METTL5: variants seen among roughly 807,000 people sequenced by gnomAD.
The protein encoded by METTL5 is methyltransferase 5, N6-adenosine.
In METTL5, 28 loss-of-function variants were observed where a neutral mutation model predicts 26.5. The observed-to-expected ratio is 1.06, with a 90% CI of 0.78 to 1.45. The LOEUF (loss-of-function observed/expected upper bound fraction) is 1.45. Ranked by LOEUF, METTL5 falls within the 40% of genes most tolerant of loss-of-function variation. The pLI, the probability that METTL5 is intolerant of heterozygous loss-of-function variation, is 0.00. For synonymous variants in METTL5, 86 were observed against 82.6 expected, an observed-to-expected ratio of 1.04 and a Z score of -0.22; for missense variants, 231 against 249.9, an observed-to-expected ratio of 0.92 and a Z score of 0.51.
chr2:169,817,911 T>TA (rs1332907693), intron 4 of METTL5, among the ~76,000 whole-genome samples: 10 of 150,400 alleles, frequency 6.6e-5, no homozygotes, highest in Non-Finnish European at 8.9e-5. Flanking sequence ...AAAGTATAAT[T>TA]AAAAAAAAAA....
chr2:169,814,377 T>C (rs952645106), intron 5 of METTL5, among the ~76,000 whole-genome samples: 3 of 140,676 alleles, frequency 2.1e-5, no homozygotes, highest in East Asian at 4.4e-4. Flanking sequence ...GTCCCAACTA[T>C]TTGGGAGACT....
rs73016481 is a variant in METTL5 at position 169,819,465 on chromosome 2, T to C, written c.489+96A>G. On this transcript the variant is annotated intron_variant, in intron 4 of 6. Transcript: ENST00000260953. ...CACATGTCAAAATGGTCAGGAGAAA[T>C]AGATACTGTGGTATCTAGTATTCAC... 9.5e-5 allele frequency: 81 copies of C among 853,986 alleles called. No homozygotes were observed. In the African/African-American group the frequency reaches 1.3e-3, roughly 14 times the overall value. The allele number at this position is 853,986 out of a possible 1,614,324, so 52.9% of individuals were successfully genotyped here. A position where few individuals can be genotyped will look rare whatever the true frequency, so the allele number is the denominator to read the frequency against.
chr2:169,813,735 G>A (rs1259607612), intron 5 of METTL5, among the ~76,000 whole-genome samples: 7 of 151,560 alleles, frequency 4.6e-5, no homozygotes, highest in Non-Finnish European at 8.8e-5. Flanking sequence ...GTGGTGGTGC[G>A]CCTGTAGTCC....
chr2:169,817,872 G>A (rs982804814), intron 4 of METTL5, among the ~76,000 whole-genome samples: 11 of 151,996 alleles, frequency 7.2e-5, no homozygotes, highest in African/African-American at 2.7e-4. Flanking sequence ...TATGTAACCT[G>A]CATGTTGTGC....
At chr2:169,817,092 GA>G (rs566498515) in intron 4 of METTL5, among the ~76,000 whole-genome samples, 5 of 150,186 alleles carry the variant, frequency 3.3e-5, no homozygotes, top group East Asian at 3.9e-4. Context: ...AAATTTACAA[GA>G]AAAAAAAACC....
chr2:169,812,961 T>C (rs1383094418), intron 5 of METTL5: 1 of 154,696 alleles, frequency 6.5e-6, no homozygotes, highest in African/African-American at 2.4e-5. Context: ...TAAAGAATAA[T>C]GTAGATTCTC....
At chr2:169,820,885 TTGTGTGTG>T (rs3049450) in intron 3 of METTL5, among the ~76,000 whole-genome samples, 199 bp downstream of exon 3, 3 of 147,882 alleles carry the variant, frequency 2.0e-5, no homozygotes, top group Admixed American at 6.8e-5. Flanking sequence ...AAATTAAAAT[TTGTGTGTG>T]TGTGTGTGTG....
chr2:169,811,811 G>C lies in METTL5; in HGVS notation c.*9C>G. 6.2e-7 allele frequency: 1 copy of C among 1,613,656 alleles called. No individual in the cohort carries two copies. The highest frequency in any genetic ancestry group is 2.2e-5 in the East Asian group (1 of 44,832). ...AATAGGTTTTAAACGACTTTTGTTTGCGGGGCTTTTAAAAGGAAAACCGAA... is the reference window on the plus strand; with the variant it reads ...AATAGGTTTTAAACGACTTTTGTTTCCGGGGCTTTTAAAAGGAAAACCGAA... On this transcript the variant is annotated 3_prime_UTR_variant, in exon 7 of 7. Transcript: ENST00000260953.
Position 169,812,365 on chromosome 2 carries a change from C to T in METTL5, c.591+92G>A, listed in dbSNP as rs565074265. The T allele has an allele frequency of 2.8e-4, 449 of 1,607,924 alleles. 4 individuals carry two copies. The African/African-American group carries it at 5.5e-3, about 20-fold the overall frequency. Reference sequence around the variant, plus strand: ...AAGCGATTCTCTTGCCTCAGCCTCCCGAGTAGCTGGGATTACAGGCATGAA... The same window carrying T: ...AAGCGATTCTCTTGCCTCAGCCTCCTGAGTAGCTGGGATTACAGGCATGAA... On this transcript the variant is annotated intron_variant, in intron 6 of 6. Transcript: ENST00000260953.
At chr2:169,811,935 TTC>T (rs1033002954) in intron 6 of METTL5, 77 bp from the exon 7 acceptor site, 22 of 1,490,988 alleles carry the variant, frequency 1.5e-5, no homozygotes, top group Middle Eastern at 3.6e-4. Context: ...GAATGTATTG[TTC>T]TGTTTGTGTT....
At chr2:169,820,734 A>G (rs994528074) in intron 3 of METTL5, among the ~76,000 whole-genome samples, 2 of 152,318 alleles carry the variant, frequency 1.3e-5, no homozygotes, top group East Asian at 1.9e-4. Context: ...AATTTTTTCT[A>G]GACAGGGTCT....
intron 4 of METTL5, among the ~76,000 whole-genome samples, chr2:169,818,095 G>A (rs1443853603): frequency 5.3e-5 from 8 of 152,086 alleles, no homozygotes; most frequent in Non-Finnish European, 1.2e-4. Context: ...CACTGTTTAT[G>A]CTGAACACCT....
chr2:169,815,458 G>C lies in METTL5; in HGVS notation c.541+19C>G. On this transcript the variant is annotated intron_variant, in intron 5 of 6. Transcript: ENST00000260953. ...TACATGTTGGCCCTTTTGGATATTA[G>C]GATTGAGATTTGTCTTACCTGCTAT... 2 of 1,566,300 alleles carry C rather than the reference G, an allele frequency of 1.3e-6. No homozygotes were observed. Among genetic ancestry groups the C allele is most frequent in the Non-Finnish European group, 1.7e-6 (2 of 1,146,810 alleles).
At chr2:169,823,817 T>G (rs1009397669) in intron 1 of METTL5, among the ~76,000 whole-genome samples, 2 of 151,880 alleles carry the variant, frequency 1.3e-5, no homozygotes, top group African/African-American at 4.8e-5. Flanking sequence ...GAGACCCTTA[T>G]CTCAAAAAAT....
intron 1 of METTL5, 196 bp downstream of exon 1, chr2:169,824,293 G>C (rs945327443): frequency 1.8e-6 from 1 of 543,726 alleles, no homozygotes; most frequent in Non-Finnish European, 3.3e-6. Context: ...AAACTAGACA[G>C]TAAAATGATA....
chr2:169,813,581 G>A (rs1184397895), intron 5 of METTL5, among the ~76,000 whole-genome samples: 5 of 151,796 alleles, frequency 3.3e-5, no homozygotes, highest in Admixed American at 6.6e-5. Flanking sequence ...CTGGCCGGGC[G>A]CGGTGGCTCA....
At chr2:169,821,820 G>C in intron 2 of METTL5, 123 bp downstream of exon 2, 1 of 722,308 alleles carries the variant, frequency 1.4e-6, no homozygotes, top group Admixed American at 2.7e-5. Flanking sequence ...AATGTATTCA[G>C]TATCAGATTT....
chr2:169,817,570 G>A (rs1426758946), intron 4 of METTL5, among the ~76,000 whole-genome samples: 1 of 152,104 alleles, frequency 6.6e-6, no homozygotes. Flanking sequence ...AGAAAATGTG[G>A]CACATATACA....
chr2:169,821,874 C>A lies in METTL5; in HGVS notation c.224+69G>T, dbSNP rs187448742. 1.1e-5 allele frequency: 15 copies of A among 1,365,914 alleles called. No individual in the cohort carries two copies. The Admixed American group carries it at 2.3e-4, about 21-fold the overall frequency. The allele number at this position is 1,365,914 out of a possible 1,614,324, so 84.6% of individuals were successfully genotyped here. The stretch of plus-strand genomic sequence containing the variant: ...TCTGTGGAGTCTCATAAATATAATT[C>A]AGTTAATCCCATTGATGCTCCTTAT... On this transcript the variant is annotated intron_variant, in intron 2 of 6. Coordinates refer to ENST00000260953, the MANE Select transcript of METTL5 (RefSeq NM_014168.4).
Sources: allele counts gnomAD v4.1 joint callset (sites outside exome capture counted in the v4.1 genomes callset), GRCh38; gene constraint gnomAD v4.1.1; transcripts MANE v1.5; gene names NCBI Gene and HGNC (gene_info 2026-07-23, HGNC 2026-07-21).